The following CDC42BPA variants were observed in gnomAD, a reference collection of about 807,000 sequenced individuals.
CDC42BPA encodes the protein serine/threonine-protein kinase MRCK alpha.
Under a neutral mutation model 223.5 loss-of-function variants are expected in CDC42BPA, and 80 were observed. The ratio of observed to expected loss-of-function variants is 0.36; its 90% confidence interval spans 0.30 to 0.43. The LOEUF (loss-of-function observed/expected upper bound fraction) is 0.43. Among genes scored for constraint, CDC42BPA ranks in the 20% least tolerant of loss-of-function variants. The probability of loss-of-function intolerance (pLI) is 1.00; values close to 1 mark genes in which losing one functional copy is unlikely to be tolerated. For missense variants in CDC42BPA, 1,743 were observed against 2,099.9 expected, an observed-to-expected ratio of 0.83 and a Z score of 3.32; for synonymous variants, 694 against 718.6, an observed-to-expected ratio of 0.97 and a Z score of 0.55.
At chr1:227,149,910 G>A (rs1661405019) in intron 6 of CDC42BPA, among the ~76,000 whole-genome samples, 1 of 152,100 alleles carries the variant, frequency 6.6e-6, no homozygotes, top group African/African-American at 2.4e-5. Context: ...TCGAATTCCT[G>A]GATGCAGGAA....
chr1:227,251,038 GCAAAA>G (rs1681914355), intron 2 of CDC42BPA, among the ~76,000 whole-genome samples: 2 of 152,048 alleles, frequency 1.3e-5, no homozygotes, highest in Non-Finnish European at 2.9e-5. Context: ...GAGAGACAAA[GCAAAA>G]CTTTGTCTCT....
At chr1:227,012,937 G>A (rs1296162452) in intron 34 of CDC42BPA, among the ~76,000 whole-genome samples, 1 of 152,058 alleles carries the variant, frequency 6.6e-6, no homozygotes, top group Non-Finnish European at 1.5e-5. Context: ...ATAAATATTT[G>A]TTAGATGATT....
intron 1 of CDC42BPA, among the ~76,000 whole-genome samples, chr1:227,298,076 CTATATACAATGTTTTTTTT>C (rs935847586): frequency 9.6e-5 from 13 of 135,584 alleles, no homozygotes; most frequent in Non-Finnish European, 2.1e-4. Flanking sequence ...AGCAGTGTGA[CTATATACAATGTTTTTTTT>C]TATCTGTCTC....
chr1:227,124,287 GGAAACACAAGA>G (rs1269847185), intron 11 of CDC42BPA, among the ~76,000 whole-genome samples: 1 of 151,956 alleles, frequency 6.6e-6, no homozygotes, highest in Non-Finnish European at 1.5e-5. Context: ...ACTGCTGCTG[GGAAACACAAGA>G]GAAACAGTCA....
chr1:227,063,359 C>T (rs1676330034), intron 21 of CDC42BPA, among the ~76,000 whole-genome samples: 1 of 151,982 alleles, frequency 6.6e-6, no homozygotes. Context: ...AAGGTATGCA[C>T]ACAAGCAGAA....
chr1:227,211,101 T>C (rs1472462607), intron 3 of CDC42BPA, among the ~76,000 whole-genome samples: 1 of 152,146 alleles, frequency 6.6e-6, no homozygotes, highest in Non-Finnish European at 1.5e-5. Context: ...CGGTATTTAC[T>C]CCTTGAGAAA....
chr1:227,256,317 G>A (rs892151992), intron 1 of CDC42BPA, among the ~76,000 whole-genome samples: 3 of 152,106 alleles, frequency 2.0e-5, no homozygotes, highest in Non-Finnish European at 2.9e-5. Flanking sequence ...ACTGGGGCCT[G>A]TTGGGGTGGG....
At chr1:227,088,601 T>C (rs1682442678) in intron 16 of CDC42BPA, among the ~76,000 whole-genome samples, 1 of 152,206 alleles carries the variant, frequency 6.6e-6, no homozygotes, top group African/African-American at 2.4e-5. Context: ...AAAACAAGTT[T>C]TAAAAACAAA....
rs762674761 is a variant in CDC42BPA at position 227,069,848 on chromosome 1, C to G, written c.2833G>C (p.Glu945Gln). The change falls in exon 21 of 37, where the codon GAG (glutamate) becomes CAG (glutamine). Residue 945 changes from glutamate to glutamine, a missense_variant. Transcript: ENST00000366766. ...AAAGAATGCTGTGAGTCTTGGTGCT[C>G]TATACCTAGAAGACAGCAGCAACTT... The part of the protein sequence containing the change: ...TEELRSEKGI[E>Q]HQDSQHSFLA... 92 of 1,609,082 alleles carry G rather than the reference C, an allele frequency of 5.7e-5. No homozygotes were observed. In the African/African-American group the frequency reaches 1.2e-3, roughly 21 times the overall value.
At chr1:227,079,016 G>A (rs1558446589) in intron 17 of CDC42BPA, among the ~76,000 whole-genome samples, 1 of 152,086 alleles carries the variant, frequency 6.6e-6, no homozygotes, top group Non-Finnish European at 1.5e-5. Flanking sequence ...TACTCAATCT[G>A]TAAACTAAAC....
chr1:227,183,454 C>G (rs573983941), intron 5 of CDC42BPA: 1 of 152,262 alleles, frequency 6.6e-6, no homozygotes, highest in South Asian at 2.1e-4. Context: ...CAGTATGTAA[C>G]ATTTTGAGAT....
chr1:227,269,389 C>T (rs188899181), intron 1 of CDC42BPA, among the ~76,000 whole-genome samples: 446 of 152,206 alleles, frequency 2.9e-3, no homozygotes, highest in Non-Finnish European at 4.8e-3. Flanking sequence ...ATTAGAGAAA[C>T]AATTTTTTAA....
chr1:226,992,351 GTT>G lies in CDC42BPA; in HGVS notation c.*1915_*1916del, dbSNP rs1660858487. ...TCTGAGCTGGCACCAAACTCAGAATGTTTAAATGTCAAAGCTGTTACATGAAA... is the reference window on the plus strand; with the variant it reads ...TCTGAGCTGGCACCAAACTCAGAATGTAAATGTCAAAGCTGTTACATGAAA... On this transcript the variant is annotated 3_prime_UTR_variant, in exon 37 of 37. Transcript: ENST00000366766. 1 of 152,274 alleles carries G rather than the reference GTT, an allele frequency of 6.6e-6. No individual in the cohort carries two copies. Among genetic ancestry groups the G allele is most frequent in the African/African-American group, 2.4e-5 (1 of 41,478 alleles). 9.4% of individuals were successfully genotyped at this position (152,274 alleles called of 1,614,324 possible).
At chr1:227,273,309 C>T (rs545154733) in intron 1 of CDC42BPA, among the ~76,000 whole-genome samples, 4 of 147,052 alleles carry the variant, frequency 2.7e-5, no homozygotes, top group Non-Finnish European at 4.5e-5. Flanking sequence ...AAAAAAAGGC[C>T]GGGCATGGTG....
chr1:227,243,743 C>T (rs1024768701), intron 2 of CDC42BPA, among the ~76,000 whole-genome samples: 2 of 145,406 alleles, frequency 1.4e-5, no homozygotes, highest in East Asian at 2.0e-4. Context: ...TGCCAAGCCA[C>T]GGAAAAGATT....
chr1:227,109,244 A>C (rs1184603641), intron 14 of CDC42BPA, among the ~76,000 whole-genome samples: 1 of 152,268 alleles, frequency 6.6e-6, no homozygotes, highest in East Asian at 1.9e-4. Flanking sequence ...TATTTTTAAA[A>C]TTTTACTTAT....
chr1:227,275,372 TAAC>T (rs543572044), intron 1 of CDC42BPA, among the ~76,000 whole-genome samples: 77 of 151,650 alleles, frequency 5.1e-4, no homozygotes, highest in African/African-American at 1.8e-3. Flanking sequence ...TGCTAAAAAT[TAAC>T]AAGCTAATCA....
chr1:227,171,955 C>T (rs1043473319), intron 5 of CDC42BPA, among the ~76,000 whole-genome samples: 2 of 152,092 alleles, frequency 1.3e-5, no homozygotes, highest in Non-Finnish European at 2.9e-5. Context: ...ATCTCCCATT[C>T]GGTTCCTTTT....
rs968865072 is a variant in CDC42BPA, at chr1:227,299,222, C to T, written c.178+17783G>A. Among the ~76,000 whole-genome samples, 5 of 152,074 alleles carry T rather than the reference C, an allele frequency of 3.3e-5. No homozygotes were observed. The South Asian group carries it at 6.2e-4, about 19-fold the overall frequency. On this transcript the variant is annotated intron_variant, in intron 1 of 36. Coordinates refer to ENST00000366766, the MANE Select transcript of CDC42BPA (RefSeq NM_001394014.1). ...TTTATGTAAAAATTCTTAGGGTTGA[C>T]GAACACTAAACAATTAGGGTTTTCA...
Sources: gnomAD v4.1 joint callset for allele counts (sites outside exome capture counted in the v4.1 genomes callset) on GRCh38, gnomAD v4.1.1 for gene constraint, MANE v1.5 for transcripts, NCBI Gene and HGNC (gene_info 2026-07-23, HGNC 2026-07-21) for gene names.